Variants in SLC13A3 observed in about 807,000 individuals in gnomAD.
SLC13A3 encodes the protein Na(+)/dicarboxylate cotransporter 3.
Under a neutral mutation model 59.0 loss-of-function variants are expected in SLC13A3, and 40 were observed. The ratio of observed to expected loss-of-function variants is 0.68; its 90% confidence interval spans 0.53 to 0.88. The LOEUF (loss-of-function observed/expected upper bound fraction) is 0.88, where lower values mean the gene tolerates loss of function less well. Among genes scored for constraint, SLC13A3 ranks in the 40% least tolerant of loss-of-function variants. The pLI is 0.00. For synonymous variants in SLC13A3, 317 were observed against 330.3 expected, an observed-to-expected ratio of 0.96 and a Z score of 0.44; for missense variants, 699 against 783.2, an observed-to-expected ratio of 0.89 and a Z score of 1.28.
At chr20:46,570,824 A>G (rs1422714651) in intron 10 of SLC13A3, among the ~76,000 whole-genome samples, 1 of 152,210 alleles carries the variant, frequency 6.6e-6, no homozygotes, top group Non-Finnish European at 1.5e-5. Flanking sequence ...GACGTGCCCT[A>G]GTAAGATTCA....
At chr20:46,582,524 G>T (rs1306130301) in intron 9 of SLC13A3, 2 of 533,068 alleles carry the variant, frequency 3.8e-6, no homozygotes, top group African/African-American at 2.1e-5. Flanking sequence ...GTTCACTGGA[G>T]CCCAAGAGTT....
intron 1 of SLC13A3, among the ~76,000 whole-genome samples, chr20:46,680,010 G>A (rs2063146646): frequency 6.6e-6 from 1 of 152,098 alleles, no homozygotes; most frequent in African/African-American, 2.4e-5. Context: ...TAGCACCTCT[G>A]AGCCTCTACT....
chr20:46,651,914 A>C (rs1048400845), upstream of SLC13A3, among the ~76,000 whole-genome samples: 1 of 151,762 alleles, frequency 6.6e-6, no homozygotes, highest in African/African-American at 2.4e-5. Context: ...GTCACAAAAA[A>C]GAAGGACATC....
chr20:46,590,047 C>A (rs2062237836), intron 6 of SLC13A3, among the ~76,000 whole-genome samples: 1 of 152,090 alleles, frequency 6.6e-6, no homozygotes, highest in Non-Finnish European at 1.5e-5. Flanking sequence ...AAAACACAAG[C>A]CATCAAAGAT....
upstream of SLC13A3, among the ~76,000 whole-genome samples, chr20:46,673,300 T>C (rs900156563): frequency 1.3e-5 from 2 of 152,170 alleles, no homozygotes; most frequent in African/African-American, 4.8e-5. Flanking sequence ...TATGAATAAA[T>C]ATATTAACTA....
chr20:46,586,636 C>T (rs1323602231), intron 8 of SLC13A3, among the ~76,000 whole-genome samples: 2 of 152,134 alleles, frequency 1.3e-5, no homozygotes, highest in Non-Finnish European at 2.9e-5. Flanking sequence ...TTCCCAGCCC[C>T]CTAAAAAATA....
Position 46,566,245 on chromosome 20 carries a change from G to A in SLC13A3, c.1478C>T (p.Pro493Leu), listed in dbSNP as rs746862161. Residue 493 changes from proline (P) to leucine (L), a missense_variant, in exon 11 of 13, where the codon CCG becomes CTG. Pro to Leu is a moderately conservative substitution (Grantham distance 98). Transcript: ENST00000279027. ...GACCCTCACCAGCTCTGCCAGGACC[G>A]GCAGGAAGATGATGATGGTCGCCGT... ...SNTATIIIFL[P>L]VLAELAIRLR... 1.2e-5 allele frequency: 20 copies of A among 1,613,430 alleles called. No individual in the cohort carries two copies. The highest frequency in any genetic ancestry group is 7.7e-5 in the South Asian group (7 of 91,074).
At chr20:46,683,886 G>T (rs1435507484) in intron 1 of SLC13A3, among the ~76,000 whole-genome samples, 2 of 152,116 alleles carry the variant, frequency 1.3e-5, no homozygotes, top group East Asian at 1.9e-4. Context: ...AGCTGGTTTC[G>T]GTCGCCTTTT....
In SLC13A3 at chr20:46,560,107, G is replaced by A. The variant is rs750260432; in HGVS notation, c.1724C>T (p.Thr575Ile). 2 of 1,614,020 alleles carry A rather than the reference G, an allele frequency of 1.2e-6. No homozygotes were observed. The highest frequency in any genetic ancestry group is 1.3e-5 in the African/African-American group (1 of 74,910). ...TWAQTIFQLG[T>I]FPDWADMYSV... ...GTACATATCAGCCCAGTCCGGGAAGGTGCCCAGCTGGAAGATGGTCTGTGC... is the reference window on the plus strand; with the variant it reads ...GTACATATCAGCCCAGTCCGGGAAGATGCCCAGCTGGAAGATGGTCTGTGC... Residue 575 changes from threonine to isoleucine, a missense_variant, in exon 13 of 13, where the codon ACC becomes ATC. Transcript: ENST00000279027.
chr20:46,683,204 G>T (rs556541134), intron 1 of SLC13A3, among the ~76,000 whole-genome samples: 1 of 152,276 alleles, frequency 6.6e-6, no homozygotes, highest in Non-Finnish European at 1.5e-5. Flanking sequence ...GTCCTCGGCG[G>T]AATTTCCCTT....
At chr20:46,665,098 T>G (rs987154022) in intron 1 of SLC13A3, among the ~76,000 whole-genome samples, 1 of 152,064 alleles carries the variant, frequency 6.6e-6, no homozygotes, top group African/African-American at 2.4e-5. Context: ...ATTCACCTGT[T>G]TAAAAGTGAA....
At chr20:46,622,164 T>C (rs1345802771) in intron 1 of SLC13A3, among the ~76,000 whole-genome samples, 1 of 151,822 alleles carries the variant, frequency 6.6e-6, no homozygotes, top group Non-Finnish European at 1.5e-5. Flanking sequence ...TTTCAGGGAG[T>C]GTGGAATGAG....
At chr20:46,668,212 G>A (rs1269718137) in intron 1 of SLC13A3, among the ~76,000 whole-genome samples, 1 of 152,164 alleles carries the variant, frequency 6.6e-6, no homozygotes, top group African/African-American at 2.4e-5. Context: ...CACTTAGTGA[G>A]GAAGGCACGT....
chr20:46,568,891 G>A lies in SLC13A3; in HGVS notation c.1333-2501C>T, dbSNP rs2062005579. 2.6e-5 allele frequency among the ~76,000 whole-genome samples: 4 copies of A among 152,262 alleles called. No individual in the cohort carries two copies. In the South Asian group the frequency reaches 8.3e-4, roughly 31 times the overall value. ...GCCTTGGCACAGCTCCAGCGCTGGA[G>A]GGAGGTCTGGCAGCTTCCTAAGAGA... On this transcript the variant is annotated intron_variant, in intron 10 of 12. Coordinates refer to ENST00000279027, the MANE Select transcript of SLC13A3 (RefSeq NM_022829.6).
chr20:46,631,251 A>G (rs1027529200), intron 1 of SLC13A3, among the ~76,000 whole-genome samples: 1 of 152,188 alleles, frequency 6.6e-6, no homozygotes, highest in Non-Finnish European at 1.5e-5. Flanking sequence ...CAGTGTCCAG[A>G]ACAGCCCCCT....
intron 10 of SLC13A3, among the ~76,000 whole-genome samples, chr20:46,574,843 T>TC (rs1356585778): frequency 1.7e-4 from 25 of 150,558 alleles, no homozygotes; most frequent in Non-Finnish European, 5.9e-5. Context: ...CTTTTTCTTT[T>TC]TTTTTTTTCT....
At chr20:46,649,733 G>A (rs2062934569) in intron 1 of SLC13A3, among the ~76,000 whole-genome samples, 1 of 152,230 alleles carries the variant, frequency 6.6e-6, no homozygotes. Flanking sequence ...AGGTCAGAAA[G>A]TGGCCTGGGG....
intron 3 of SLC13A3, among the ~76,000 whole-genome samples, chr20:46,605,565 G>A (rs2062430250): frequency 6.6e-6 from 1 of 152,162 alleles, no homozygotes; most frequent in South Asian, 2.1e-4. Context: ...CAGCCTTACA[G>A]AGCTATGCAA....
At chr20:46,631,695 C>T (rs1482060696) in intron 1 of SLC13A3, among the ~76,000 whole-genome samples, 3 of 152,108 alleles carry the variant, frequency 2.0e-5, no homozygotes, top group African/African-American at 7.2e-5. Flanking sequence ...TATAATCCCC[C>T]CACCAAAGAA....
Sources: gnomAD v4.1 joint callset for allele counts (sites outside exome capture counted in the v4.1 genomes callset) on GRCh38, gnomAD v4.1.1 for gene constraint, MANE v1.5 for transcripts, NCBI Gene and HGNC (gene_info 2026-07-23, HGNC 2026-07-21) for gene names.